The following KIAA2012 variants were observed in gnomAD, a reference collection of about 807,000 sequenced individuals.
The protein encoded by KIAA2012 is uncharacterized protein KIAA2012.
KIAA2012 carries 125 observed loss-of-function variants against 150.6 expected under a neutral mutation model. That is an observed-to-expected ratio of 0.83 (90% confidence interval 0.72 to 0.96). The LOEUF (loss-of-function observed/expected upper bound fraction) is 0.96. Among genes scored for constraint, KIAA2012 ranks in the 40% least tolerant of loss-of-function variants. KIAA2012 has a pLI of 0.00. For missense variants in KIAA2012, 1,219 were observed against 1,354.9 expected, an observed-to-expected ratio of 0.90 and a Z score of 1.57; for synonymous variants, 462 against 504.7, an observed-to-expected ratio of 0.92 and a Z score of 1.13.
chr2:202,117,151 T>A (rs769802795), intron 11 of KIAA2012: 2 of 152,238 alleles, frequency 1.3e-5, no homozygotes, highest in Non-Finnish European at 2.9e-5. Flanking sequence ...CCACAGAAAC[T>A]GAGGCATAAC....
chr2:202,166,545 C>T (rs1485240008), intron 15 of KIAA2012, among the ~76,000 whole-genome samples: 1 of 151,810 alleles, frequency 6.6e-6, no homozygotes, highest in African/African-American at 2.4e-5. Flanking sequence ...CCCATCACTC[C>T]AGAGGCTGAG....
intron 15 of KIAA2012, among the ~76,000 whole-genome samples, chr2:202,177,644 C>T (rs1692024385): frequency 6.6e-6 from 1 of 152,132 alleles, no homozygotes; most frequent in Non-Finnish European, 1.5e-5. Flanking sequence ...CCTCAGTGTC[C>T]CGAGTAGCTG....
intron 15 of KIAA2012, chr2:202,179,968 T>G: frequency 1.4e-6 from 1 of 723,026 alleles, no homozygotes; most frequent in Admixed American, 2.0e-5. Context: ...CAACTGAAGT[T>G]AAGATTACTT....
chr2:202,105,964 A>C (rs1297568648), intron 9 of KIAA2012, 54 bp downstream of exon 9: 1 of 1,550,598 alleles, frequency 6.4e-7, no homozygotes, highest in Admixed American at 2.0e-5. Context: ...GAAGGGAAGC[A>C]AGGCAAGACA....
At chr2:202,201,605 A>C in intron 22 of KIAA2012, 1 of 1,610,180 alleles carries the variant, frequency 6.2e-7, no homozygotes, top group Non-Finnish European at 8.5e-7. Flanking sequence ...AGATGGGACC[A>C]ACTGGATAAT....
chr2:202,096,899 A>G (rs369428638), intron 4 of KIAA2012, among the ~76,000 whole-genome samples: 3 of 152,190 alleles, frequency 2.0e-5, no homozygotes, highest in African/African-American at 4.8e-5. Context: ...TGCAGACAGG[A>G]TAAGTTCAGA....
At chr2:202,122,398 A>G (rs1690673550) in intron 11 of KIAA2012, among the ~76,000 whole-genome samples, 1 of 152,216 alleles carries the variant, frequency 6.6e-6, no homozygotes, top group Non-Finnish European at 1.5e-5. Context: ...CATCTCAACC[A>G]GCACTCTGAG....
intron 19 of KIAA2012, among the ~76,000 whole-genome samples, chr2:202,192,454 C>CTTT (rs71406952): frequency 1.3e-4 from 16 of 120,336 alleles, no homozygotes; most frequent in Admixed American, 1.7e-4. Flanking sequence ...AAAATAGCTT[C>CTTT]TTTTTTTTTT....
intron 22 of KIAA2012, among the ~76,000 whole-genome samples, chr2:202,200,119 CG>C (rs1199113222): frequency 6.6e-6 from 1 of 151,332 alleles, no homozygotes; most frequent in Non-Finnish European, 1.5e-5. Flanking sequence ...TTAGTAGAGA[CG>C]GGGGGTTTCA....
chr2:202,189,098 AGGCAAAGGAAATACTTGT>A (rs1467839259), intron 18 of KIAA2012, among the ~76,000 whole-genome samples: 2 of 152,280 alleles, frequency 1.3e-5, no homozygotes, highest in East Asian at 3.9e-4. Context: ...TGGTGGAATT[AGGCAAAGGAAATACTTGT>A]GGTGCCCCTA....
intron 15 of KIAA2012, among the ~76,000 whole-genome samples, chr2:202,182,880 TG>T (rs996266716): frequency 6.6e-6 from 1 of 152,196 alleles, no homozygotes; most frequent in Non-Finnish European, 1.5e-5. Flanking sequence ...GAGTTGACTG[TG>T]GGGGTTTTGT....
chr2:202,082,607 AAAAG>A (rs1689476626), intron 2 of KIAA2012, among the ~76,000 whole-genome samples: 1 of 63,766 alleles, frequency 1.6e-5, no homozygotes, highest in Non-Finnish European at 3.4e-5. Flanking sequence ...AAAAAAAAAA[AAAAG>A]AAGTTTTTAA....
intron 15 of KIAA2012, among the ~76,000 whole-genome samples, chr2:202,171,112 T>TAC (rs10532176): frequency 9.0e-4 from 135 of 149,828 alleles, no homozygotes; most frequent in South Asian, 2.7e-3. Context: ...AAAGAAATAC[T>TAC]ACACACACAC....
chr2:202,077,295 A>G (rs1689346833), intron 2 of KIAA2012, among the ~76,000 whole-genome samples: 1 of 152,188 alleles, frequency 6.6e-6, no homozygotes, highest in Non-Finnish European at 1.5e-5. Flanking sequence ...TGAGTGATAT[A>G]TAGGCTAACT....
intron 12 of KIAA2012, among the ~76,000 whole-genome samples, chr2:202,135,404 T>TCAGTTTCTTTGACTTGATAA (rs1420682192): frequency 6.6e-6 from 1 of 152,240 alleles, no homozygotes; most frequent in Non-Finnish European, 1.5e-5. Context: ...GATGGGTTAA[T>TCAGTTTCTTTGACTTGATAA]CAGTTTCTTT....
At chr2:202,125,318 CTA>C (rs1473581474) in intron 12 of KIAA2012, 36 bp downstream of exon 12, 18 of 1,472,520 alleles carry the variant, frequency 1.2e-5, no homozygotes, top group Admixed American at 2.0e-5. Context: ...CTCGACTTCT[CTA>C]TGTAATTTGA....
intron 23 of KIAA2012, among the ~76,000 whole-genome samples, chr2:202,203,035 T>C (rs750234918): frequency 1.3e-5 from 2 of 152,114 alleles, no homozygotes; most frequent in Non-Finnish European, 2.9e-5. Context: ...GAACCTCCAT[T>C]TCCACCACTC....
In KIAA2012 at chr2:202,165,375, G is replaced by A. The variant is rs1387896927; in HGVS notation, c.2119+19G>A. The A allele has an allele frequency of 1.3e-6, 2 of 1,547,544 alleles. No homozygotes were observed. Among genetic ancestry groups the A allele is most frequent in the East Asian group, 4.9e-5 (2 of 40,894 alleles). ...GACCAAGGTACAGACCACTAGGTGG[G>A]GCTTTATAATCTTATAGCCATAACT... On this transcript the variant is annotated intron_variant, in intron 15 of 23. Transcript: ENST00000498697.
In KIAA2012 at chr2:202,099,610, T is replaced by G; in HGVS notation, c.829-3T>G. On this transcript the variant is annotated splice_polypyrimidine_tract_variant and splice_region_variant and intron_variant, in intron 5 of 23. Transcript: ENST00000498697. ...ACAGGAATGTGTATCTGTCGTTCCC[T>G]AGGACACGTCAATAGAGAATCACCT... 6.5e-7 allele frequency: 1 copy of G among 1,548,234 alleles called. No individual in the cohort carries two copies. The highest frequency in any genetic ancestry group is 1.2e-5 in the South Asian group (1 of 83,702).
Sources: allele counts gnomAD v4.1 joint callset (sites outside exome capture counted in the v4.1 genomes callset), GRCh38; gene constraint gnomAD v4.1.1; transcripts MANE v1.5; gene names NCBI Gene and HGNC (gene_info 2026-07-23, HGNC 2026-07-21).